C20orf203: variants seen among roughly 807,000 people sequenced by gnomAD.
The protein encoded by C20orf203 is chromosome 20 open reading frame 203.
A neutral mutation model predicts 15.9 loss-of-function variants in C20orf203; 16 were observed. The observed-to-expected ratio is 1.01, with a 90% CI of 0.68 to 1.53. The LOEUF is 1.53. Ranked by LOEUF, C20orf203 falls within the 40% of genes most tolerant of loss-of-function variation. C20orf203 has a pLI of 0.00. For missense variants in C20orf203, 263 were observed against 247.5 expected (o/e 1.06, Z -0.42); for synonymous variants, 98 against 97.2 (o/e 1.01, Z -0.05).
chr20:32,659,226 C>T (rs1044433893), intron 1 of C20orf203, among the ~76,000 whole-genome samples: 1 of 152,128 alleles, frequency 6.6e-6, no homozygotes, highest in South Asian at 2.1e-4. Context: ...GCACAGCCGA[C>T]CCCCTTGCCC....
chr20:32,645,470 G>T (rs1600929146), intron 4 of C20orf203, among the ~76,000 whole-genome samples: 1 of 152,276 alleles, frequency 6.6e-6, no homozygotes, highest in African/African-American at 2.4e-5. Flanking sequence ...CCCCCTGGGG[G>T]GATATTCTCC....
chr20:32,666,155 T>TAAAAAAAAAAAAAAAAAAAAATAAAAAA (rs1983016576), intron 1 of C20orf203, among the ~76,000 whole-genome samples: 1 of 102,776 alleles, frequency 9.7e-6, no homozygotes, highest in Non-Finnish European at 1.9e-5. Context: ...ATAAATAAAG[T>TAAAAAAAAAAAAAAAAAAAAATAAAAAA]AAAAAAAAAA....
At chr20:32,671,036 T>C (rs6141332) in intron 1 of C20orf203, among the ~76,000 whole-genome samples, 19,021 of 149,038 alleles carry the variant, frequency 0.13, 1,514 homozygotes, top group East Asian at 0.3. Flanking sequence ...AAAACAACAG[T>C]GTTGGCAAGG....
chr20:32,665,540 G>C (rs953879198), intron 1 of C20orf203, among the ~76,000 whole-genome samples: 2 of 152,224 alleles, frequency 1.3e-5, no homozygotes, highest in South Asian at 4.1e-4. Context: ...CCAAGACTGG[G>C]AAGAGCAAGG....
chr20:32,659,326 G>A (rs1010405472), intron 1 of C20orf203, among the ~76,000 whole-genome samples: 3 of 152,210 alleles, frequency 2.0e-5, no homozygotes, highest in Non-Finnish European at 4.4e-5. Flanking sequence ...GAGAAGCCCT[G>A]GGCAGGAGGC....
intron 5 of C20orf203, among the ~76,000 whole-genome samples, chr20:32,637,335 C>T (rs1002954093): frequency 2.0e-5 from 3 of 152,152 alleles, no homozygotes; most frequent in Admixed American, 6.5e-5. Context: ...ACCGCTTGAA[C>T]CCAGGAAGAG....
intron 5 of C20orf203, among the ~76,000 whole-genome samples, chr20:32,638,740 G>A (rs961008577): frequency 6.6e-6 from 1 of 152,222 alleles, no homozygotes; most frequent in Non-Finnish European, 1.5e-5. Flanking sequence ...CTGAAAAATG[G>A]CCACAGAAGC....
chr20:32,660,894 A>G (rs1982874735), intron 1 of C20orf203, among the ~76,000 whole-genome samples: 1 of 149,714 alleles, frequency 6.7e-6, no homozygotes, highest in Non-Finnish European at 1.5e-5. Flanking sequence ...CCTTATAAAA[A>G]TCATCAGATC....
At chr20:32,636,295 T>C (rs188922907) in intron 5 of C20orf203, among the ~76,000 whole-genome samples, 2 of 152,354 alleles carry the variant, frequency 1.3e-5, no homozygotes, top group East Asian at 3.9e-4. Flanking sequence ...TTCGCTTAGA[T>C]TTGCCACAAT....
chr20:32,666,281 A>T (rs1983023173), intron 1 of C20orf203, among the ~76,000 whole-genome samples: 1 of 151,924 alleles, frequency 6.6e-6, no homozygotes, highest in African/African-American at 2.4e-5. Context: ...ACCCTGGGCA[A>T]TGTGGCAAAA....
intron 1 of C20orf203, among the ~76,000 whole-genome samples, chr20:32,661,494 C>G (rs1982890587): frequency 6.6e-6 from 1 of 152,188 alleles, no homozygotes; most frequent in African/African-American, 2.4e-5. Flanking sequence ...CTCCAGAAAC[C>G]TTTCTTGCAT....
intron 5 of C20orf203, among the ~76,000 whole-genome samples, chr20:32,634,722 G>A (rs1982090979): frequency 6.6e-6 from 1 of 152,018 alleles, no homozygotes. Flanking sequence ...CTACTTAAAG[G>A]CACCAGACAA....
Position 32,661,288 on chromosome 20 carries a change from G to A in C20orf203, c.-263-9307C>T, listed in dbSNP as rs146950696. 5.0e-3 allele frequency among the ~76,000 whole-genome samples: 756 copies of A among 152,300 alleles called. 3 individuals are homozygous for A. Among genetic ancestry groups the A allele is most frequent in the African/African-American group, 0.017 (726 of 41,570 alleles). On this transcript the variant is annotated intron_variant, in intron 1 of 5. Transcript: ENST00000608990. ...TCAGAGGTGAACCAGGCTCATCTCTGTTCTCACAAAGCTCATGACAGCAGG... is the reference window on the plus strand; with the variant it reads ...TCAGAGGTGAACCAGGCTCATCTCTATTCTCACAAAGCTCATGACAGCAGG...
intron 5 of C20orf203, among the ~76,000 whole-genome samples, chr20:32,638,659 G>T (rs1982199970): frequency 1.3e-5 from 2 of 152,352 alleles, no homozygotes; most frequent in Admixed American, 6.5e-5. Flanking sequence ...TGGAGGACAG[G>T]AGGGACCGGG....
intron 1 of C20orf203, among the ~76,000 whole-genome samples, chr20:32,670,391 A>C (rs1310572095): frequency 6.6e-6 from 1 of 151,410 alleles, no homozygotes; most frequent in Non-Finnish European, 1.5e-5. Context: ...CTGTAATCTC[A>C]GCTACCTGGG....
At chr20:32,669,525 C>A (rs1259734411) in intron 1 of C20orf203, among the ~76,000 whole-genome samples, 2 of 152,148 alleles carry the variant, frequency 1.3e-5, no homozygotes, top group Non-Finnish European at 2.9e-5. Flanking sequence ...TCTGGGGAAC[C>A]TGCAAAGGAC....
At chr20:32,635,376 G>A (rs1239374213) in intron 5 of C20orf203, among the ~76,000 whole-genome samples, 1 of 152,058 alleles carries the variant, frequency 6.6e-6, no homozygotes, top group Non-Finnish European at 1.5e-5. Flanking sequence ...GCACATGCCT[G>A]TAATCCCAGC....
intron 5 of C20orf203, among the ~76,000 whole-genome samples, chr20:32,636,080 G>A (rs1440042742): frequency 6.6e-6 from 1 of 152,168 alleles, no homozygotes; most frequent in Admixed American, 6.5e-5. Context: ...GGGAGGTCAT[G>A]CACACCGAGC....
At chr20:32,643,855 A>G (rs538604254) in intron 4 of C20orf203, among the ~76,000 whole-genome samples, 1 of 152,188 alleles carries the variant, frequency 6.6e-6, no homozygotes, top group Non-Finnish European at 1.5e-5. Context: ...AGATGGGAAG[A>G]TTTGCTAAAA....
Sources: allele counts gnomAD v4.1 joint callset (sites outside exome capture counted in the v4.1 genomes callset), GRCh38; gene constraint gnomAD v4.1.1; transcripts MANE v1.5; gene names NCBI Gene and HGNC (gene_info 2026-07-23, HGNC 2026-07-21).